Variants in ST18 observed in about 807,000 individuals in gnomAD.
The protein encoded by ST18 is suppression of tumorigenicity 18 protein.
In ST18, 50 loss-of-function variants were observed where a neutral mutation model predicts 110.0. The ratio of observed to expected loss-of-function variants is 0.45; its 90% confidence interval spans 0.36 to 0.58. The LOEUF (loss-of-function observed/expected upper bound fraction) is 0.58, where lower values mean the gene tolerates loss of function less well. Among genes scored for constraint, ST18 ranks in the 20% least tolerant of loss-of-function variants. ST18 has a pLI of 0.00. For synonymous variants in ST18, 461 were observed against 452.4 expected, an observed-to-expected ratio of 1.02 and a Z score of -0.24; for missense variants, 1,306 against 1,280.1, an observed-to-expected ratio of 1.02 and a Z score of -0.31.
chr8:52,357,676 AATATATATATAT>A lies in ST18; in HGVS notation c.-465+51640_-465+51651del, dbSNP rs71252934. Among the ~76,000 whole-genome samples, 345 of 38,412 alleles carry A rather than the reference AATATATATATAT, an allele frequency of 9.0e-3. 1 individual carries two copies. Among genetic ancestry groups the A allele is most frequent in the East Asian group, 0.016 (12 of 744 alleles). 25.2% of individuals were successfully genotyped at this position (38,412 alleles called of 152,430 possible). A position where few individuals can be genotyped will look rare whatever the true frequency, so the allele number is the denominator to read the frequency against. The stretch of plus-strand genomic sequence containing the variant: ...ACATAACAAATCCCCAAAATCTATA[AATATATATATAT>A]ATATATATATATATATATATATATA... On this transcript the variant is annotated intron_variant, in intron 2 of 25. Transcript: ENST00000689386.
At chr8:52,126,855 C>A (rs1456753074) in intron 22 of ST18, among the ~76,000 whole-genome samples, 1 of 152,192 alleles carries the variant, frequency 6.6e-6, no homozygotes, top group Admixed American at 6.5e-5. Context: ...AGCAGGGTTT[C>A]TTTCCCTTAA....
chr8:52,129,451 C>CAAAA (rs34059224), intron 22 of ST18, among the ~76,000 whole-genome samples: 879 of 69,150 alleles, frequency 0.013, no homozygotes, highest in Non-Finnish European at 0.019. Flanking sequence ...GAGACTCCAT[C>CAAAA]AAAAAAAAAA....
chr8:52,239,465 G>C (rs1441056400), intron 2 of ST18, among the ~76,000 whole-genome samples: 1 of 152,162 alleles, frequency 6.6e-6, no homozygotes, highest in Non-Finnish European at 1.5e-5. Flanking sequence ...AGCTTTGAGT[G>C]CTGGCATCAC....
chr8:52,245,787 G>C (rs2093796859), intron 2 of ST18, among the ~76,000 whole-genome samples: 2 of 152,008 alleles, frequency 1.3e-5, no homozygotes, highest in Admixed American at 1.3e-4. Flanking sequence ...ATAAATCAAA[G>C]AAATTAAAAT....
intron 2 of ST18, among the ~76,000 whole-genome samples, chr8:52,283,234 CA>C (rs2095415686): frequency 6.6e-6 from 1 of 152,232 alleles, no homozygotes; most frequent in Non-Finnish European, 1.5e-5. Context: ...CCAGCTGAGG[CA>C]AAGATAAGGC....
rs370049822 is a variant in ST18, at chr8:52,125,388, T to TAC, written c.2755+662_2755+663dup. Among the ~76,000 whole-genome samples, 87 of 130,500 alleles carry TAC rather than the reference T, an allele frequency of 6.7e-4. 1 individual carries two copies. Among genetic ancestry groups the TAC allele is most frequent in the East Asian group, 1.8e-3 (9 of 5,096 alleles). The allele number at this position is 130,500 out of a possible 152,430, so 85.6% of individuals were successfully genotyped here. On this transcript the variant is annotated intron_variant, in intron 23 of 25. Coordinates refer to ENST00000689386, the MANE Select transcript of ST18 (RefSeq NM_001352837.2). The stretch of plus-strand genomic sequence containing the variant: ...GATTTATACCAGAAAAACGCGCACG[T>TAC]ACACACACACACACACATACACACA...
intron 2 of ST18, among the ~76,000 whole-genome samples, chr8:52,360,710 A>G (rs1322528688): frequency 6.6e-6 from 1 of 152,216 alleles, no homozygotes; most frequent in Non-Finnish European, 1.5e-5. Context: ...CCCATGTGTT[A>G]GAAGGAAAAT....
chr8:52,139,963 A>C (rs954503764), intron 17 of ST18, among the ~76,000 whole-genome samples: 2 of 152,208 alleles, frequency 1.3e-5, no homozygotes, highest in African/African-American at 2.4e-5. Flanking sequence ...TTGTTTTCAG[A>C]TGAAAATACA....
intron 2 of ST18, among the ~76,000 whole-genome samples, chr8:52,330,894 A>T (rs1379055663): frequency 1.3e-5 from 2 of 152,208 alleles, no homozygotes; most frequent in Admixed American, 1.3e-4. Context: ...ACCAAGAAGG[A>T]GCGCCTAAGA....
chr8:52,254,309 C>T (rs1322274537), intron 2 of ST18: 1 of 152,144 alleles, frequency 6.6e-6, no homozygotes, highest in African/African-American at 2.4e-5. Flanking sequence ...AACGGAAACA[C>T]TAAAGCTGTT....
At position 52,116,157 on chromosome 8, in the gene ST18, C is replaced by T. The variant is rs112572349; in HGVS notation, c.3003+118G>A. 1.7e-5 allele frequency: 19 copies of T among 1,090,314 alleles called. 1 individual carries two copies. In the African/African-American group the frequency reaches 2.2e-4, roughly 13 times the overall value. 67.5% of individuals were successfully genotyped at this position (1,090,314 alleles called of 1,614,324 possible). Reference sequence around the variant, plus strand: ...AAGCCAGACTGTGATGAAGTGTGGTCACTCTGTGACTGCTCACAGGTCTCC... The same window carrying T: ...AAGCCAGACTGTGATGAAGTGTGGTTACTCTGTGACTGCTCACAGGTCTCC... On this transcript the variant is annotated intron_variant, in intron 25 of 25. Coordinates refer to ENST00000689386, the MANE Select transcript of ST18 (RefSeq NM_001352837.2).
intron 23 of ST18, among the ~76,000 whole-genome samples, chr8:52,121,956 C>T (rs1214179046): frequency 6.6e-6 from 1 of 152,198 alleles, no homozygotes; most frequent in Non-Finnish European, 1.5e-5. Flanking sequence ...AGCGATTCTC[C>T]TGCCTCAGCC....
intron 2 of ST18, among the ~76,000 whole-genome samples, chr8:52,246,318 A>T (rs1355611858): frequency 6.6e-6 from 1 of 152,008 alleles, no homozygotes; most frequent in Non-Finnish European, 1.5e-5. Flanking sequence ...TTATGAAATA[A>T]ATCCCAAAAG....
intron 10 of ST18, among the ~76,000 whole-genome samples, chr8:52,170,311 C>T (rs1414358449): frequency 6.6e-6 from 1 of 152,126 alleles, no homozygotes; most frequent in African/African-American, 2.4e-5. Context: ...CAAAAATTAG[C>T]TGGTTGTGGT....
chr8:52,191,270 G>A (rs2134847593), intron 8 of ST18, among the ~76,000 whole-genome samples: 1 of 152,320 alleles, frequency 6.6e-6, no homozygotes, highest in East Asian at 1.9e-4. Flanking sequence ...CTGGAGCAAG[G>A]CCATGTCATG....
At chr8:52,331,909 T>G (rs1156475561) in intron 2 of ST18, among the ~76,000 whole-genome samples, 1 of 152,152 alleles carries the variant, frequency 6.6e-6, no homozygotes, top group Non-Finnish European at 1.5e-5. Context: ...AATGAAGGAC[T>G]CCTCTTCTCA....
intron 2 of ST18, among the ~76,000 whole-genome samples, chr8:52,358,336 C>A (rs1824108515): frequency 6.6e-6 from 1 of 151,678 alleles, no homozygotes; most frequent in Non-Finnish European, 1.5e-5. Flanking sequence ...CTAGAAGGAA[C>A]CACAGAATAA....
intron 2 of ST18, among the ~76,000 whole-genome samples, chr8:52,399,495 T>G (rs1297094220): frequency 6.6e-6 from 1 of 152,014 alleles, no homozygotes; most frequent in African/African-American, 2.4e-5. Flanking sequence ...TTACTCTTTT[T>G]TTTTTAGCTC....
intron 24 of ST18, 103 bp downstream of exon 24, chr8:52,118,235 C>G (rs1005324710): frequency 4.1e-6 from 3 of 725,040 alleles, no homozygotes; most frequent in African/African-American, 3.6e-5. Context: ...CATATTGACT[C>G]TAAGTTACCA....
Sources: allele counts gnomAD v4.1 joint callset (sites outside exome capture counted in the v4.1 genomes callset), GRCh38; gene constraint gnomAD v4.1.1; transcripts MANE v1.5; gene names NCBI Gene and HGNC (gene_info 2026-07-23, HGNC 2026-07-21).